The following SIL1 variants were observed in gnomAD, a reference collection of about 807,000 sequenced individuals.
The protein encoded by SIL1 is nucleotide exchange factor SIL1.
In SIL1, 40 loss-of-function variants were observed where a neutral mutation model predicts 49.1. That is an observed-to-expected ratio of 0.81 (90% CI 0.63 to 1.06). SIL1 has a LOEUF of 1.06. Ranked by LOEUF, SIL1 falls within the 50% of genes least tolerant of loss-of-function variation. The pLI, the probability that SIL1 is intolerant of heterozygous loss-of-function variation, is 0.00. For synonymous variants in SIL1, 253 were observed against 250.8 expected (o/e 1.01, Z -0.08); for missense variants, 500 against 572.6 (o/e 0.87, Z 1.29).
intron 3 of SIL1, among the ~76,000 whole-genome samples, chr5:139,052,834 C>T (rs555114832): frequency 5.9e-5 from 9 of 152,240 alleles, no homozygotes; most frequent in Admixed American, 2.0e-4. Context: ...TGCACTGACA[C>T]GGAACCCAAT....
Position 139,127,760 on chromosome 5 carries a change from G to C in SIL1, c.84C>G (p.Phe28Leu). 6.2e-7 allele frequency: 1 copy of C among 1,610,900 alleles called. No individual in the cohort carries two copies. The highest frequency in any genetic ancestry group is 8.5e-7 in the Non-Finnish European group (1 of 1,179,436). ...TTACCAGGTTCTGATGACTGAGGCA[G>C]AAGGTGAAGCAGGCGGCCATCAGCA... is the stretch of plus-strand genomic sequence containing the variant. The part of the protein sequence containing the change: ...LGLLMAACFT[F>L]CLSHQNLKEF... The change falls in exon 2 of 10, where the codon TTC becomes TTG. Residue 28 changes from phenylalanine (F) to leucine (L), a missense_variant. Phe to Leu is a conservative substitution (Grantham distance 22, BLOSUM62 0). Transcript: ENST00000394817.
intron 7 of SIL1, among the ~76,000 whole-genome samples, chr5:138,991,838 TAAATATC>T (rs920518161): frequency 3.9e-4 from 60 of 152,218 alleles, no homozygotes; most frequent in African/African-American, 1.4e-3. Flanking sequence ...CCTTGTGACT[TAAATATC>T]ACAGAGAACC....
intron 1 of SIL1, among the ~76,000 whole-genome samples, chr5:139,186,903 G>A (rs1752085302): frequency 2.0e-5 from 3 of 152,184 alleles, no homozygotes; most frequent in Admixed American, 2.0e-4. Context: ...AAAGGGCTCT[G>A]GGAATGGAGC....
At chr5:139,143,373 T>G (rs1751131557) in intron 1 of SIL1, among the ~76,000 whole-genome samples, 1 of 139,632 alleles carries the variant, frequency 7.2e-6, no homozygotes. Context: ...ATATGGTTTT[T>G]TGTTTTGTTT....
intron 3 of SIL1, among the ~76,000 whole-genome samples, chr5:139,059,379 C>A (rs11958529): frequency 6.6e-6 from 1 of 151,966 alleles, no homozygotes; most frequent in African/African-American, 2.4e-5. Context: ...TTGTAAGGCC[C>A]CACCGGCCAT....
intron 5 of SIL1, among the ~76,000 whole-genome samples, chr5:139,038,625 G>A (rs190413367): frequency 2.0e-5 from 3 of 152,190 alleles, no homozygotes; most frequent in Non-Finnish European, 4.4e-5. Context: ...CTCCCAAATC[G>A]TACCCCTACT....
At chr5:138,966,375 C>T (rs1334778540) in intron 7 of SIL1, among the ~76,000 whole-genome samples, 1 of 152,142 alleles carries the variant, frequency 6.6e-6, no homozygotes. Context: ...GCCTTGCTCT[C>T]CTGGTGCCCC....
At position 139,127,848 on chromosome 5, in the gene SIL1, A is replaced by G. The variant is rs1296744834; in HGVS notation, c.-5T>C. On this transcript the variant is annotated 5_prime_UTR_variant, in exon 2 of 10. Coordinates refer to ENST00000394817, the MANE Select transcript of SIL1 (RefSeq NM_022464.5). Reference sequence around the variant, plus strand: ...AGGCAGGCTCTGGGGAGCCATAGTCAGGGACCTGCAGGTGCAAGCATAGAC... The same window carrying G: ...AGGCAGGCTCTGGGGAGCCATAGTCGGGGACCTGCAGGTGCAAGCATAGAC... The G allele has an allele frequency of 6.3e-7, 1 of 1,584,488 alleles. No individual in the cohort carries two copies. The highest frequency in any genetic ancestry group is 2.3e-5 in the East Asian group (1 of 44,020).
intron 3 of SIL1, among the ~76,000 whole-genome samples, chr5:139,060,028 A>C (rs551506013): frequency 6.6e-6 from 1 of 152,366 alleles, no homozygotes; most frequent in South Asian, 2.1e-4. Context: ...ACCTGGTCAA[A>C]ATATTGCTTC....
chr5:139,031,477 C>A (rs547996304), intron 5 of SIL1, among the ~76,000 whole-genome samples: 1 of 152,258 alleles, frequency 6.6e-6, no homozygotes, highest in East Asian at 1.9e-4. Context: ...ATCTATGATT[C>A]TTTCTCTCCA....
At chr5:138,976,986 C>T (rs1767407107) in intron 7 of SIL1, among the ~76,000 whole-genome samples, 1 of 152,152 alleles carries the variant, frequency 6.6e-6, no homozygotes. Flanking sequence ...TCAAGAGCTA[C>T]CTGGATCCAC....
chr5:139,075,036 G>C (rs910419976), intron 3 of SIL1, among the ~76,000 whole-genome samples: 1 of 152,176 alleles, frequency 6.6e-6, no homozygotes, highest in Non-Finnish European at 1.5e-5. Flanking sequence ...TGTTTGCCAG[G>C]CTGGTCTTGA....
chr5:138,964,455 G>A (rs2150387441), intron 7 of SIL1, among the ~76,000 whole-genome samples: 1 of 152,282 alleles, frequency 6.6e-6, no homozygotes, highest in East Asian at 1.9e-4. Context: ...AAAATAGGAG[G>A]AGGAAAGCTA....
At chr5:139,151,964 C>A (rs1186349736) in intron 1 of SIL1, among the ~76,000 whole-genome samples, 1 of 152,174 alleles carries the variant, frequency 6.6e-6, no homozygotes, top group Admixed American at 6.5e-5. Context: ...CCAATTGATA[C>A]AACATTGTCA....
intron 1 of SIL1, among the ~76,000 whole-genome samples, chr5:139,197,740 G>C (rs1037635695): frequency 2.6e-5 from 4 of 152,092 alleles, no homozygotes; most frequent in Non-Finnish European, 5.9e-5. Flanking sequence ...CCATCTTATC[G>C]GAAATCCCAG....
intron 3 of SIL1, among the ~76,000 whole-genome samples, chr5:139,054,782 G>A (rs948661105): frequency 6.6e-6 from 1 of 152,102 alleles, no homozygotes; most frequent in Non-Finnish European, 1.5e-5. Flanking sequence ...CTTCACATAA[G>A]CCACCACAGG....
At chr5:139,151,454 T>C (rs1273274400) in intron 1 of SIL1, among the ~76,000 whole-genome samples, 1 of 152,188 alleles carries the variant, frequency 6.6e-6, no homozygotes, top group Non-Finnish European at 1.5e-5. Flanking sequence ...ACACCTCCTG[T>C]TTTTCTGACA....
At chr5:138,960,413 C>CTTTTTTTT (rs150578906) in intron 7 of SIL1, among the ~76,000 whole-genome samples, 13 of 124,258 alleles carry the variant, frequency 1.0e-4, no homozygotes, top group East Asian at 4.6e-4. Context: ...AAATCTACGT[C>CTTTTTTTT]TTTTTTTTTT....
chr5:139,048,380 T>TTG (rs1554129178), intron 4 of SIL1, among the ~76,000 whole-genome samples: 1 of 142,186 alleles, frequency 7.0e-6, no homozygotes, highest in Non-Finnish European at 1.5e-5. Context: ...TTTTTTTTTT[T>TTG]TTTTTTTTTT....
Sources: allele counts gnomAD v4.1 joint callset (sites outside exome capture counted in the v4.1 genomes callset), GRCh38; gene constraint gnomAD v4.1.1; transcripts MANE v1.5; gene names NCBI Gene and HGNC (gene_info 2026-07-23, HGNC 2026-07-21).